CTNNA3: variants seen among roughly 807,000 people sequenced by gnomAD.
CTNNA3 encodes catenin alpha-3.
A neutral mutation model predicts 95.7 loss-of-function variants in CTNNA3; 76 were observed. The ratio of observed to expected loss-of-function variants is 0.79; its 90% CI spans 0.66 to 0.96. The LOEUF is 0.96. Among genes scored for constraint, CTNNA3 ranks in the 40% least tolerant of loss-of-function variants. The pLI is 0.00. For missense variants in CTNNA3, 1,191 were observed against 1,089.8 expected, an observed-to-expected ratio of 1.09 and a Z score of -1.31; for synonymous variants, 431 against 374.4, an observed-to-expected ratio of 1.15 and a Z score of -1.74.
chr10:67,078,547 C>G, intron 7 of CTNNA3, among the ~76,000 whole-genome samples: 1 of 151,894 alleles, frequency 6.6e-6, no homozygotes, highest in East Asian at 1.9e-4. Context: ...GAAGGAGTCT[C>G]GCTCTGTCGC....
intron 3 of CTNNA3, among the ~76,000 whole-genome samples, chr10:67,579,249 T>G (rs1842290283): frequency 8.8e-6 from 1 of 114,150 alleles, no homozygotes. Context: ...TTCCCCACCC[T>G]GTGTCCAAGT....
At chr10:66,037,341 T>A (rs1055357564) in intron 15 of CTNNA3, among the ~76,000 whole-genome samples, 2 of 152,206 alleles carry the variant, frequency 1.3e-5, no homozygotes, top group Non-Finnish European at 2.9e-5. Context: ...TTCAGATTAA[T>A]TCTGATCTCT....
intron 5 of CTNNA3, among the ~76,000 whole-genome samples, chr10:67,453,674 G>A (rs1256610920): frequency 6.6e-6 from 1 of 152,176 alleles, no homozygotes; most frequent in Non-Finnish European, 1.5e-5. Context: ...AATAAATGCA[G>A]AACAGTCTGT....
At chr10:67,650,865 AAT>A (rs1839858882) in intron 1 of CTNNA3, among the ~76,000 whole-genome samples, 1 of 152,132 alleles carries the variant, frequency 6.6e-6, no homozygotes, top group Non-Finnish European at 1.5e-5. Flanking sequence ...TCATTTCCAA[AAT>A]TTGCCTAAGG....
chr10:67,001,168 G>T (rs1851662784), intron 7 of CTNNA3, among the ~76,000 whole-genome samples: 1 of 151,502 alleles, frequency 6.6e-6, no homozygotes, highest in African/African-American at 2.4e-5. Context: ...AGGGGTGGTG[G>T]TGTGTGCCTG....
intron 7 of CTNNA3, among the ~76,000 whole-genome samples, chr10:66,968,128 T>G (rs1025714438): frequency 9.9e-5 from 15 of 152,146 alleles, no homozygotes; most frequent in Admixed American, 2.0e-4. Flanking sequence ...AGAAAAAACT[T>G]GCCAACAAAA....
At chr10:67,464,953 T>C (rs1049501606) in intron 5 of CTNNA3, among the ~76,000 whole-genome samples, 3 of 151,878 alleles carry the variant, frequency 2.0e-5, no homozygotes, top group Admixed American at 6.6e-5. Flanking sequence ...GGGGGAGAAA[T>C]AGTAACAAAT....
chr10:66,519,849 T>C (rs147151639), intron 11 of CTNNA3, among the ~76,000 whole-genome samples: 2 of 152,280 alleles, frequency 1.3e-5, no homozygotes, highest in East Asian at 3.9e-4. Flanking sequence ...TTTGGCAAAA[T>C]AAACTTCCCA....
intron 14 of CTNNA3, among the ~76,000 whole-genome samples, chr10:66,074,389 G>A (rs1450581769): frequency 6.6e-6 from 1 of 151,856 alleles, no homozygotes; most frequent in African/African-American, 2.4e-5. Context: ...AATGGAATTA[G>A]TACATCACAG....
chr10:66,622,887 C>T (rs1020596462), intron 9 of CTNNA3, among the ~76,000 whole-genome samples: 2 of 152,044 alleles, frequency 1.3e-5, no homozygotes, highest in Non-Finnish European at 2.9e-5. Flanking sequence ...TATAACATTT[C>T]TTTTAATATG....
chr10:66,044,968 A>T lies in CTNNA3; in HGVS notation c.2159+24340T>A, dbSNP rs10450293. Among the ~76,000 whole-genome samples the T allele has an allele frequency of 2.8e-3, 408 of 145,336 alleles. 3 individuals are homozygous for T. The highest frequency in any genetic ancestry group is 9.3e-3 in the African/African-American group (384 of 41,140). Reference sequence around the variant, plus strand: ...TCCATACCACAGTTAGCCTCTAATGACAATCTCAGGATTCAATAGTGGTGT... The same window carrying T: ...TCCATACCACAGTTAGCCTCTAATGTCAATCTCAGGATTCAATAGTGGTGT... On this transcript the variant is annotated intron_variant, in intron 15 of 17. Transcript: ENST00000433211.
intron 9 of CTNNA3, among the ~76,000 whole-genome samples, chr10:66,701,469 A>G (rs10822894): frequency 0.17 from 26,226 of 152,140 alleles, 2,796 homozygotes; most frequent in East Asian, 0.34. Flanking sequence ...TAACACTGTT[A>G]CAGTTTCAAC....
intron 7 of CTNNA3, among the ~76,000 whole-genome samples, chr10:66,934,655 C>T (rs1475095481): frequency 1.3e-5 from 2 of 151,992 alleles, no homozygotes; most frequent in Non-Finnish European, 2.9e-5. Flanking sequence ...TCCTAGAAAA[C>T]AAAGTATAGG....
intron 15 of CTNNA3, among the ~76,000 whole-genome samples, chr10:66,062,708 C>A (rs1007955528): frequency 1.3e-5 from 2 of 152,092 alleles, no homozygotes; most frequent in African/African-American, 2.4e-5. Context: ...GTCTAAAATT[C>A]AATTTTACTA....
At chr10:66,427,721 C>G (rs1190296762) in intron 11 of CTNNA3, among the ~76,000 whole-genome samples, 3 of 152,050 alleles carry the variant, frequency 2.0e-5, no homozygotes, top group African/African-American at 4.8e-5. Flanking sequence ...TTGTCACCAC[C>G]AGACCTGCCC....
Position 67,182,095 on chromosome 10 carries a change from C to T in CTNNA3, c.844-1575G>A, listed in dbSNP as rs961741595. On this transcript the variant is annotated intron_variant, in intron 6 of 17. Transcript: ENST00000433211. ...GCTCATGGGTAGGAAGAATCAATATCGTGAAAATGGCCATACTGCCCAAGG... is the reference window on the plus strand; with the variant it reads ...GCTCATGGGTAGGAAGAATCAATATTGTGAAAATGGCCATACTGCCCAAGG... Among the ~76,000 whole-genome samples the T allele has an allele frequency of 1.7e-4, 26 of 152,168 alleles. 1 individual carries two copies. The highest frequency in any genetic ancestry group is 6.0e-4 in the African/African-American group (25 of 41,526).
intron 11 of CTNNA3, among the ~76,000 whole-genome samples, chr10:66,513,884 G>T (rs1303596680): frequency 6.6e-6 from 1 of 152,162 alleles, no homozygotes; most frequent in Non-Finnish European, 1.5e-5. Flanking sequence ...TGTGGGCTCA[G>T]GTAACAGAGA....
chr10:66,572,341 C>T (rs1842893575), intron 10 of CTNNA3, among the ~76,000 whole-genome samples: 1 of 151,026 alleles, frequency 6.6e-6, no homozygotes, highest in Admixed American at 6.6e-5. Flanking sequence ...CAAGATCGCA[C>T]CACTGCACTC....
At chr10:66,017,117 TTTAGAC>T (rs1443769522) in intron 15 of CTNNA3, among the ~76,000 whole-genome samples, 2 of 152,148 alleles carry the variant, frequency 1.3e-5, no homozygotes, top group African/African-American at 4.8e-5. Flanking sequence ...CATGTGTCGA[TTTAGAC>T]CTTTGATTGG....
Sources: allele counts gnomAD v4.1 joint callset (sites outside exome capture counted in the v4.1 genomes callset), GRCh38; gene constraint gnomAD v4.1.1; transcripts MANE v1.5; gene names NCBI Gene and HGNC (gene_info 2026-07-23, HGNC 2026-07-21).